Variants in OGFOD3 observed in about 807,000 individuals in gnomAD.
The protein encoded by OGFOD3 is 2-oxoglutarate and iron-dependent oxygenase domain-containing protein 3.
A neutral mutation model predicts 39.8 loss-of-function variants in OGFOD3; 35 were observed. The ratio of observed to expected loss-of-function variants is 0.88; its 90% CI spans 0.67 to 1.17. The LOEUF is 1.17. Among genes scored for constraint, OGFOD3 ranks in the 50% most tolerant of loss-of-function variants. The pLI is 0.00. For synonymous variants in OGFOD3, 200 were observed against 192.0 expected (o/e 1.04, Z -0.34); for missense variants, 438 against 454.5 (o/e 0.96, Z 0.33).
intron 2 of OGFOD3, among the ~76,000 whole-genome samples, chr17:82,411,975 G>C (rs1290773581): frequency 6.8e-6 from 1 of 147,634 alleles, no homozygotes; most frequent in Non-Finnish European, 1.5e-5. Context: ...GCCACCAGAG[G>C]GGGGAACCCT....
intron 7 of OGFOD3, among the ~76,000 whole-genome samples, chr17:82,399,097 G>A (rs1052174499): frequency 2.6e-5 from 4 of 151,978 alleles, no homozygotes; most frequent in African/African-American, 7.2e-5. Context: ...TCAGCCTCCC[G>A]GGTGCTGGGA....
At chr17:82,418,298 C>CCCCCCACG (rs2053115189) in intron 1 of OGFOD3, 114 bp downstream of exon 1, 1 of 145,226 alleles carries the variant, frequency 6.9e-6, no homozygotes, top group African/African-American at 2.8e-5. Flanking sequence ...CCACCTGCCC[C>CCCCCCACG]CCCCCACCCC....
chr17:82,413,764 A>G (rs1433664275), intron 2 of OGFOD3, among the ~76,000 whole-genome samples: 2 of 151,786 alleles, frequency 1.3e-5, no homozygotes, highest in East Asian at 3.9e-4. Flanking sequence ...CCAGCTACTC[A>G]GGAGGCTGAG....
chr17:82,410,490 T>G (rs1212764496), intron 3 of OGFOD3, among the ~76,000 whole-genome samples: 1 of 152,204 alleles, frequency 6.6e-6, no homozygotes, highest in Non-Finnish European at 1.5e-5. Flanking sequence ...ACGGGCTCCC[T>G]GGAGGCAGTT....
rs2052612679 is a variant in OGFOD3 at position 82,392,579 on chromosome 17, CG to C, written c.824-46del. 6.4e-7 allele frequency: 1 copy of C among 1,552,314 alleles called. No individual in the cohort carries two copies. Among genetic ancestry groups the C allele is most frequent in the Admixed American group, 2.0e-5 (1 of 50,920 alleles). On this transcript the variant is annotated intron_variant, in intron 8 of 8. Transcript: ENST00000313056. This position sits in a 1 kb window ranked among gnomAD's most constrained non-coding sequence, Gnocchi z 4.2. ...AGAGGTGGCCATAGAGCCACACCCA[CG>C]GCCACAGCCTTCAGAGGGTCTGCGG... is the stretch of plus-strand genomic sequence containing the variant.
In OGFOD3 at chr17:82,411,482, G is replaced by T; in HGVS notation, c.353C>A (p.Thr118Asn). Reference protein sequence around the residue: ...CGRGVTDVVITREEAERIRSV... With the variant: ...CGRGVTDVVINREEAERIRSV... ...GCGAATCCGCTCCGCTTCCTCCCTGGTGATGACGACATCGGTGACACCTCT... is the reference window on the plus strand; with the variant it reads ...GCGAATCCGCTCCGCTTCCTCCCTGTTGATGACGACATCGGTGACACCTCT... Residue 118 changes from threonine (T) to asparagine (N), a missense_variant, in exon 3 of 9, where the codon ACC (threonine) becomes AAC (asparagine). Thr to Asn is a moderately conservative substitution (Grantham distance 65). Coordinates refer to ENST00000313056, the MANE Select transcript of OGFOD3 (RefSeq NM_024648.3). 1 of 1,614,168 alleles carries T rather than the reference G, an allele frequency of 6.2e-7. No homozygotes were observed. The highest frequency in any genetic ancestry group is 8.5e-7 in the Non-Finnish European group (1 of 1,180,020).
chr17:82,399,316 G>A (rs1199793928), intron 7 of OGFOD3, among the ~76,000 whole-genome samples: 1 of 152,194 alleles, frequency 6.6e-6, no homozygotes, highest in Non-Finnish European at 1.5e-5. Flanking sequence ...CGGGCAGCAG[G>A]CCAGCCAGCA....
intron 8 of OGFOD3, chr17:82,396,431 CAGAT>C (rs2052675020): frequency 7.2e-6 from 1 of 139,602 alleles, no homozygotes; most frequent in South Asian, 2.3e-4. Context: ...GGGAAACACA[CAGAT>C]ACACACAATT....
chr17:82,409,180 G>A (rs1038185872), intron 4 of OGFOD3, among the ~76,000 whole-genome samples, 188 bp downstream of exon 4: 2 of 152,192 alleles, frequency 1.3e-5, no homozygotes, highest in East Asian at 1.9e-4. Flanking sequence ...TCTTCCCAAC[G>A]AGGGGACGCC....
chr17:82,405,183 T>G, intron 6 of OGFOD3, 141 bp downstream of exon 6: 1 of 693,222 alleles, frequency 1.4e-6, no homozygotes, highest in Non-Finnish European at 2.5e-6. Flanking sequence ...CGGCCTTTGC[T>G]CCATGAGAAC....
chr17:82,389,807 A>G lies in OGFOD3; in HGVS notation c.*2591T>C, dbSNP rs1413502034. The G allele has an allele frequency of 2.6e-5, 4 of 152,206 alleles. No homozygotes were observed. The highest frequency in any genetic ancestry group is 9.6e-5 in the African/African-American group (4 of 41,454). The allele number at this position is 152,206 out of a possible 1,614,324, so 9.4% of individuals were successfully genotyped here. A position where few individuals can be genotyped will look rare whatever the true frequency, so the allele number is the denominator to read the frequency against. ...AGCATGAGCCATATGTTCCCACTTC[A>G]GAAGGAAATTCTTCATTCTGGCTAA... On this transcript the variant is annotated 3_prime_UTR_variant, in exon 9 of 9. Coordinates refer to ENST00000313056, the MANE Select transcript of OGFOD3 (RefSeq NM_024648.3). This position sits in a 1 kb window ranked among gnomAD's most constrained non-coding sequence, Gnocchi z 4.6.
rs141726034 is a variant in OGFOD3, at chr17:82,397,993, C to T, written c.823+203G>A. Among the ~76,000 whole-genome samples the T allele has an allele frequency of 5.3e-5, 8 of 152,006 alleles. No individual in the cohort carries two copies. The East Asian group carries it at 5.8e-4, about 11-fold the overall frequency. On this transcript the variant is annotated intron_variant, in intron 8 of 8. Coordinates refer to ENST00000313056, the MANE Select transcript of OGFOD3 (RefSeq NM_024648.3). ...GGAGGGGGGCTCTGCCGCTGACTGA[C>T]GGTGACCTCAGACATGTGGCCCCGT... is the stretch of plus-strand genomic sequence containing the variant.
rs770362345 is a variant in OGFOD3, at chr17:82,405,273, A to C, written c.545+51T>G. ...ACCGGCCAGCTCTGCCACACCCCTC[A>C]GCCCCAGGCCACCCCGCCTGCGAAC... is the stretch of plus-strand genomic sequence containing the variant. On this transcript the variant is annotated intron_variant, in intron 6 of 8. Coordinates refer to ENST00000313056, the MANE Select transcript of OGFOD3 (RefSeq NM_024648.3). 6 of 1,518,156 alleles carry C rather than the reference A, an allele frequency of 4.0e-6. No individual in the cohort carries two copies. The African/African-American group carries it at 7.0e-5, about 18-fold the overall frequency. The allele number at this position is 1,518,156 out of a possible 1,614,324, so 94.0% of individuals were successfully genotyped here. A position where few individuals can be genotyped will look rare whatever the true frequency, so the allele number is the denominator to read the frequency against.
At position 82,400,286 on chromosome 17, in the gene OGFOD3, C is replaced by A. The variant is rs117713374; in HGVS notation, c.700-1967G>T. Among the ~76,000 whole-genome samples the A allele has an allele frequency of 4.5e-3, 684 of 151,590 alleles. 14 individuals carry two copies. The East Asian group carries it at 0.085, about 19-fold the overall frequency. ...TTGCCCCCTCCAGGCCTCACAGATG[C>A]CCCCCGGAGTCCCCCCTTAAAAGCT... On this transcript the variant is annotated intron_variant, in intron 7 of 8. Coordinates refer to ENST00000313056, the MANE Select transcript of OGFOD3 (RefSeq NM_024648.3).
Position 82,415,594 on chromosome 17 carries a change from C to G in OGFOD3, c.108G>C (p.Gln36His). The G allele has an allele frequency of 1.2e-6, 2 of 1,613,374 alleles. No homozygotes were observed. Among genetic ancestry groups the G allele is most frequent in the Non-Finnish European group, 1.7e-6 (2 of 1,179,732 alleles). ...TTAGCCACGGCCTCTGCCACAGCCT[C>G]TGCACCTCCCGCGGGGCTCGGTCCT... ...TKKDRAPREV[Q>H]RLWQRPWLRT... is the part of the protein sequence containing the mutation. The change falls in exon 2 of 9, where the codon CAG becomes CAC. Residue 36 changes from glutamine (Q) to histidine (H), a missense_variant. By Grantham distance (24) the Gln-to-His change is conservative (BLOSUM62 0). Transcript: ENST00000313056. This position sits in a 1 kb window ranked among gnomAD's most constrained non-coding sequence, Gnocchi z 5.3.
chr17:82,413,158 C>G (rs1350492820), intron 2 of OGFOD3, among the ~76,000 whole-genome samples: 1 of 152,194 alleles, frequency 6.6e-6, no homozygotes, highest in Admixed American at 6.5e-5. Context: ...AGGTTTACCC[C>G]ACAAAACGCG....
In OGFOD3 at chr17:82,392,264, C is replaced by T. The variant is rs934824900; in HGVS notation, c.*134G>A. 44 of 964,766 alleles carry T rather than the reference C, an allele frequency of 4.6e-5. No individual in the cohort carries two copies. The highest frequency in any genetic ancestry group is 9.9e-5 in the African/African-American group (6 of 60,688). The allele number at this position is 964,766 out of a possible 1,614,324, so 59.8% of individuals were successfully genotyped here. On this transcript the variant is annotated 3_prime_UTR_variant, in exon 9 of 9. Coordinates refer to ENST00000313056, the MANE Select transcript of OGFOD3 (RefSeq NM_024648.3). This position sits in a 1 kb window ranked among gnomAD's most constrained non-coding sequence, Gnocchi z 4.2. ...TTACTCACAGATGAAAAGATTAACA[C>T]GTCAGCAAATCAAAATCAGAGAATT... is the stretch of plus-strand genomic sequence containing the variant.
intron 3 of OGFOD3, among the ~76,000 whole-genome samples, chr17:82,410,710 C>G (rs1237021810): frequency 1.1e-5 from 1 of 91,708 alleles, no homozygotes; most frequent in Non-Finnish European, 2.0e-5. Flanking sequence ...GCACATAATT[C>G]TTTTTTTTTT....
At chr17:82,412,820 C>T (rs964980111) in intron 2 of OGFOD3, among the ~76,000 whole-genome samples, 4 of 152,188 alleles carry the variant, frequency 2.6e-5, no homozygotes. Flanking sequence ...TGGGGCAAAC[C>T]GGGACTCCAC....
Sources: allele counts gnomAD v4.1 joint callset (sites outside exome capture counted in the v4.1 genomes callset), GRCh38; gene constraint gnomAD v4.1.1; non-coding constraint Gnocchi (gnomAD v3.1); transcripts MANE v1.5; gene names NCBI Gene and HGNC (gene_info 2026-07-23, HGNC 2026-07-21).